The following GREB1 variants were observed in gnomAD, a reference collection of about 807,000 sequenced individuals.
GREB1 encodes the protein growth regulating estrogen receptor binding 1, also known as protein GREB1.
GREB1 carries 106 observed loss-of-function variants against 200.7 expected under a neutral mutation model. That is an observed-to-expected ratio of 0.53 (90% CI 0.45 to 0.62). The LOEUF is 0.62. Among genes scored for constraint, GREB1 ranks in the 20% least tolerant of loss-of-function variants. The pLI is 0.00. For missense variants in GREB1, 2,243 were observed against 2,556.8 expected, an observed-to-expected ratio of 0.88 and a Z score of 2.65; for synonymous variants, 1,132 against 1,092.4, an observed-to-expected ratio of 1.04 and a Z score of -0.72.
intron 9 of GREB1, among the ~76,000 whole-genome samples, chr2:11,586,978 C>G (rs1680169480): frequency 6.6e-6 from 1 of 152,102 alleles, no homozygotes; most frequent in South Asian, 2.1e-4. Context: ...GGAAACAGAG[C>G]TAGGACAGGG....
At chr2:11,591,546 C>T (rs1325017212) in intron 10 of GREB1, 6 of 691,138 alleles carry the variant, frequency 8.7e-6, no homozygotes, top group Non-Finnish European at 1.6e-5. Flanking sequence ...AATTAATAAC[C>T]CAAATGATGG....
Position 11,598,663 on chromosome 2 carries a change from T to C in GREB1, c.2153-17T>C, listed in dbSNP as rs1363658531. 1 of 1,612,838 alleles carries C rather than the reference T, an allele frequency of 6.2e-7. No individual in the cohort carries two copies. Among genetic ancestry groups the C allele is most frequent in the South Asian group, 1.1e-5 (1 of 90,982 alleles). Reference sequence around the variant, plus strand: ...GCGCATGTTTGCAGTTACTGATGTATGTTCTTTGTGTTGCAGGGGTTTTGC... The same window carrying C: ...GCGCATGTTTGCAGTTACTGATGTACGTTCTTTGTGTTGCAGGGGTTTTGC... On this transcript the variant is annotated splice_polypyrimidine_tract_variant and intron_variant, in intron 14 of 32. Transcript: ENST00000381486.
At chr2:11,552,811 A>G (rs1016243532) in intron 1 of GREB1, among the ~76,000 whole-genome samples, 2 of 152,070 alleles carry the variant, frequency 1.3e-5, no homozygotes, top group African/African-American at 4.8e-5. Context: ...GGAGATCGAG[A>G]CCATCCTGGC....
At chr2:11,591,270 G>T (rs931894884) in intron 10 of GREB1, 6 of 664,912 alleles carry the variant, frequency 9.0e-6, no homozygotes, top group African/African-American at 7.2e-5. Flanking sequence ...CACAGAGCAG[G>T]TGTCATGAAC....
chr2:11,554,770 C>G (rs1676271097), intron 1 of GREB1, among the ~76,000 whole-genome samples: 5 of 152,188 alleles, frequency 3.3e-5, no homozygotes, highest in Admixed American at 3.3e-4. Context: ...TTACGAATGT[C>G]TTTTCTCATA....
intron 2 of GREB1, among the ~76,000 whole-genome samples, chr2:11,558,471 C>T (rs1322354318): frequency 6.6e-6 from 1 of 152,202 alleles, no homozygotes; most frequent in Non-Finnish European, 1.5e-5. Context: ...AGGTTCCCTG[C>T]CAGCTGTCAG....
intron 17 of GREB1, among the ~76,000 whole-genome samples, chr2:11,605,108 G>A (rs981383247): frequency 7.0e-6 from 1 of 143,046 alleles, no homozygotes; most frequent in Non-Finnish European, 1.5e-5. Flanking sequence ...GCCTGACCTG[G>A]GGGTACTGTC....
At chr2:11,587,441 C>T (rs778283551) in intron 9 of GREB1, 23 of 1,613,750 alleles carry the variant, frequency 1.4e-5, no homozygotes, top group Middle Eastern at 3.3e-4. Context: ...TGCATCGCCC[C>T]GGAGCTTATG....
chr2:11,584,588 G>A (rs1269930805), intron 7 of GREB1, among the ~76,000 whole-genome samples: 1 of 152,184 alleles, frequency 6.6e-6, no homozygotes, highest in African/African-American at 2.4e-5. Flanking sequence ...GGGTAATTCT[G>A]GCTACCTTAT....
chr2:11,580,098 A>C lies in GREB1; in HGVS notation c.773-606A>C, dbSNP rs1047537760. Reference sequence around the variant, plus strand: ...CAGGGGAACTGCCCTTTATAAAACCATCAGGTCTCGTGAGACTTCTTCACT... The same window carrying C: ...CAGGGGAACTGCCCTTTATAAAACCCTCAGGTCTCGTGAGACTTCTTCACT... On this transcript the variant is annotated intron_variant, in intron 6 of 32. Transcript: ENST00000381486. This position sits in a 1 kb window ranked among gnomAD's most constrained non-coding sequence, Gnocchi z 4.5. Among the ~76,000 whole-genome samples, 8 of 152,150 alleles carry C rather than the reference A, an allele frequency of 5.3e-5. No individual in the cohort carries two copies. Among genetic ancestry groups the C allele is most frequent in the Non-Finnish European group, 8.8e-5 (6 of 68,030 alleles).
intron 7 of GREB1, among the ~76,000 whole-genome samples, chr2:11,583,298 T>G (rs889157484): frequency 1.1e-4 from 17 of 152,074 alleles, no homozygotes; most frequent in African/African-American, 3.9e-4. Flanking sequence ...TTAGCCTCTG[T>G]GGGGGGTCTC....
At chr2:11,552,118 G>T (rs1675909995) in intron 1 of GREB1, among the ~76,000 whole-genome samples, 1 of 152,220 alleles carries the variant, frequency 6.6e-6, no homozygotes, top group African/African-American at 2.4e-5. Context: ...TGCGCATGCT[G>T]TTTACAGACT....
chr2:11,532,848 T>G (rs1674125592), upstream of GREB1, among the ~76,000 whole-genome samples: 1 of 152,206 alleles, frequency 6.6e-6, no homozygotes, highest in Admixed American at 6.5e-5. Flanking sequence ...AGATATCCTT[T>G]GTTGAGCACC....
At chr2:11,607,173 T>C (rs1682380319) in intron 17 of GREB1, among the ~76,000 whole-genome samples, 1 of 151,938 alleles carries the variant, frequency 6.6e-6, no homozygotes, top group Admixed American at 6.6e-5. Flanking sequence ...AACCTCAAAC[T>C]CCTGGGCTCA....
intron 1 of GREB1, among the ~76,000 whole-genome samples, chr2:11,495,769 T>C (rs1672866119): frequency 6.6e-6 from 1 of 151,090 alleles, no homozygotes; most frequent in Non-Finnish European, 1.5e-5. Context: ...ACTAGTCCGT[T>C]GAATCTTGGT....
Position 11,640,407 on chromosome 2 carries a change from G to A in GREB1, c.5803G>A (p.Ala1935Thr). ...RLRDEFQTAN[A>T]REDRPLFFLT... ...GCGCGATGAGTTCCAGACCGCCAAT[G>A]CCAGGGAAGACCGGCCGCTCTTTTT... is the stretch of plus-strand genomic sequence containing the variant. Residue 1935 changes from alanine (A) to threonine (T), a missense_variant, in exon 33 of 33, where the codon GCC becomes ACC. Ala to Thr is a moderately conservative substitution (Grantham distance 58, BLOSUM62 0). Coordinates refer to ENST00000381486, the MANE Select transcript of GREB1 (RefSeq NM_014668.4). This position sits in a 1 kb window ranked among gnomAD's most constrained non-coding sequence, Gnocchi z 4.6. 1 of 1,614,228 alleles carries A rather than the reference G, an allele frequency of 6.2e-7. No individual in the cohort carries two copies.
At chr2:11,555,988 C>T (rs1281119612) in intron 1 of GREB1, among the ~76,000 whole-genome samples, 5 of 152,264 alleles carry the variant, frequency 3.3e-5, no homozygotes, top group Middle Eastern at 3.4e-3. Flanking sequence ...TCCTCGTTTT[C>T]CCACTCCTCT....
rs535799803 is a variant in GREB1, at chr2:11,640,637, G to A, written c.*183G>A. 243 of 623,660 alleles carry A rather than the reference G, an allele frequency of 3.9e-4. 1 individual carries two copies. Among genetic ancestry groups the A allele is most frequent in the African/African-American group, 3.9e-3 (208 of 54,004 alleles). 38.6% of individuals were successfully genotyped at this position (623,660 alleles called of 1,614,324 possible). On this transcript the variant is annotated 3_prime_UTR_variant, in exon 33 of 33. Transcript: ENST00000381486. The surrounding 1 kb of genome is among the most constrained non-coding windows in gnomAD (Gnocchi z 4.6). ...TGGTCCTGGGAGCCAGGAAGACTCC[G>A]CAGTGGGTGAGAATGAAAACTTGAG... is the stretch of plus-strand genomic sequence containing the variant.
chr2:11,640,334 C>T lies in GREB1; in HGVS notation c.5730C>T (p.Arg1910=). The T allele has an allele frequency of 6.2e-7, 1 of 1,614,148 alleles. No individual in the cohort carries two copies. Among genetic ancestry groups the T allele is most frequent in the Non-Finnish European group, 8.5e-7 (1 of 1,180,046 alleles). ...TCTGTCAGGACCGGAGCTCACTGCG[C>T]CAGACGGTCGTCCGCCTGGAGCTCG... The part of the protein sequence containing the change: ...CVICQDRSSL[R]QTVVRLELED... The change falls in exon 33 of 33, where the codon CGC becomes CGT. Residue 1910 remains arginine (R), a synonymous_variant. Transcript: ENST00000381486. This position sits in a 1 kb window ranked among gnomAD's most constrained non-coding sequence, Gnocchi z 4.6.
Sources: gnomAD v4.1 joint callset for allele counts (sites outside exome capture counted in the v4.1 genomes callset) on GRCh38, gnomAD v4.1.1 for gene constraint, Gnocchi (gnomAD v3.1) non-coding constraint, MANE v1.5 for transcripts, NCBI Gene and HGNC (gene_info 2026-07-23, HGNC 2026-07-21) for gene names.